ENTREP2: variants seen among roughly 807,000 people sequenced by gnomAD.
ENTREP2 encodes endosomal transmembrane epsin interactor 2.
the ENTREP2 span, among the ~76,000 whole-genome samples, chr15:29,219,164 G>A: frequency 1.3e-4 from 20 of 150,938 alleles, no homozygotes; most frequent in African/African-American, 4.1e-4. Context: ...CATGAATAGA[G>A]AATTCTCAAA....
the ENTREP2 span, among the ~76,000 whole-genome samples, chr15:29,628,045 T>C: frequency 6.6e-6 from 1 of 152,208 alleles, no homozygotes; most frequent in Non-Finnish European, 1.5e-5. Context: ...GTTTAACTTT[T>C]TGCACAACTC....
chr15:29,633,010 G>A, the ENTREP2 span, among the ~76,000 whole-genome samples: 5 of 152,356 alleles, frequency 3.3e-5, no homozygotes, highest in African/African-American at 7.2e-5. Flanking sequence ...ATTCAGGTGC[G>A]ATGTCAGGAA....
the ENTREP2 span, among the ~76,000 whole-genome samples, chr15:29,254,410 C>G: frequency 6.6e-6 from 1 of 152,138 alleles, no homozygotes; most frequent in Non-Finnish European, 1.5e-5. Context: ...ATATTGGCCA[C>G]TTTTACATTT....
chr15:29,139,946 C>T, the ENTREP2 span, among the ~76,000 whole-genome samples: 1 of 152,178 alleles, frequency 6.6e-6, no homozygotes, highest in Non-Finnish European at 1.5e-5. Flanking sequence ...ACTACGCTTC[C>T]CAGGCTGCCG....
At chr15:29,552,238 G>C in the ENTREP2 span, among the ~76,000 whole-genome samples, 1 of 152,182 alleles carries the variant, frequency 6.6e-6, no homozygotes, top group Non-Finnish European at 1.5e-5. Context: ...AAACTCGGGA[G>C]ACAGAAGGGG....
At chr15:29,192,433 A>C in the ENTREP2 span, among the ~76,000 whole-genome samples, 2 of 152,200 alleles carry the variant, frequency 1.3e-5, no homozygotes, top group Admixed American at 1.3e-4. Context: ...ACATTGCCCC[A>C]CCATTACAAC....
chr15:29,322,326 T>C, the ENTREP2 span, among the ~76,000 whole-genome samples: 15,374 of 152,202 alleles, frequency 0.1, 892 homozygotes, highest in East Asian at 0.21. Context: ...ATACACTACA[T>C]TGTTATTACC....
the ENTREP2 span, among the ~76,000 whole-genome samples, chr15:29,369,064 C>T: frequency 6.6e-6 from 1 of 151,998 alleles, no homozygotes; most frequent in Admixed American, 6.6e-5. Flanking sequence ...GAAAAATGAA[C>T]AGATCCTAAG....
chr15:29,117,839 T>C, the ENTREP2 span: 1 of 152,240 alleles, frequency 6.6e-6, no homozygotes, highest in Non-Finnish European at 1.5e-5. Context: ...TCGTCTCTTC[T>C]GGGCACCCTC....
chr15:29,624,092 C>T, the ENTREP2 span, among the ~76,000 whole-genome samples: 1 of 152,190 alleles, frequency 6.6e-6, no homozygotes, highest in Non-Finnish European at 1.5e-5. Flanking sequence ...CATGAAATAT[C>T]CAGGATATAA....
the ENTREP2 span, among the ~76,000 whole-genome samples, chr15:29,119,947 C>T: frequency 6.6e-6 from 1 of 152,232 alleles, no homozygotes; most frequent in Non-Finnish European, 1.5e-5. Context: ...CTTTAAAAAA[C>T]CTGTATTTAA....
the ENTREP2 span, among the ~76,000 whole-genome samples, chr15:29,489,296 T>A: frequency 6.6e-6 from 1 of 152,172 alleles, no homozygotes; most frequent in South Asian, 2.1e-4. Context: ...TAAGATAATA[T>A]GCTAACTGGG....
the ENTREP2 span, among the ~76,000 whole-genome samples, chr15:29,164,135 A>C: frequency 6.6e-6 from 1 of 152,248 alleles, no homozygotes; most frequent in Admixed American, 6.5e-5. Context: ...CGTCACTAAC[A>C]AGCCACCATT....
chr15:29,669,672 C>T, the ENTREP2 span, among the ~76,000 whole-genome samples: 1 of 152,322 alleles, frequency 6.6e-6, no homozygotes, highest in African/African-American at 2.4e-5. Flanking sequence ...GGAATGGACA[C>T]TGTCCACCAC....
chr15:29,327,588 C>G, the ENTREP2 span, among the ~76,000 whole-genome samples: 2 of 140,598 alleles, frequency 1.4e-5, no homozygotes. Flanking sequence ...GAGCAAGACC[C>G]CATCTCAAAA....
At chr15:29,184,723 A>G in the ENTREP2 span, among the ~76,000 whole-genome samples, 1 of 152,082 alleles carries the variant, frequency 6.6e-6, no homozygotes, top group Non-Finnish European at 1.5e-5. Context: ...ACCAGCGCAA[A>G]ATAATACTAG....
chr15:29,206,224 G>A, the ENTREP2 span, among the ~76,000 whole-genome samples: 141 of 152,252 alleles, frequency 9.3e-4, 1 homozygote, highest in African/African-American at 3.3e-3. Flanking sequence ...GGATCACTGT[G>A]TCCTCACCTG....
chr15:29,536,389 C>T, the ENTREP2 span, among the ~76,000 whole-genome samples: 1 of 152,076 alleles, frequency 6.6e-6, no homozygotes, highest in Non-Finnish European at 1.5e-5. Context: ...CACCGAGGCA[C>T]TACATTAACC....
chr15:29,534,472 G>A, the ENTREP2 span, among the ~76,000 whole-genome samples: 1 of 152,200 alleles, frequency 6.6e-6, no homozygotes, highest in Non-Finnish European at 1.5e-5. Context: ...GAAAAAAAGG[G>A]TTGCTTTAGC....
Sources: allele counts gnomAD v4.1 joint callset (sites outside exome capture counted in the v4.1 genomes callset), GRCh38; gene constraint gnomAD v4.1.1; transcripts MANE v1.5; gene names NCBI Gene and HGNC (gene_info 2026-07-23, HGNC 2026-07-21).